The following PLCG2 variants were observed in gnomAD, a reference collection of about 807,000 sequenced individuals.
PLCG2 encodes the protein 1-phosphatidylinositol 4,5-bisphosphate phosphodiesterase gamma-2.
Under a neutral mutation model 175.6 loss-of-function variants are expected in PLCG2, and 69 were observed. The ratio of observed to expected loss-of-function variants is 0.39; its 90% CI spans 0.32 to 0.48. The LOEUF (loss-of-function observed/expected upper bound fraction) is 0.48, where lower values mean the gene tolerates loss of function less well. PLCG2 is among the 20% of genes least tolerant of loss of function. The pLI, the probability that PLCG2 is intolerant of heterozygous loss-of-function variation, is 0.91. For missense variants in PLCG2, 1,798 were observed against 1,650.9 expected, an observed-to-expected ratio of 1.09 and a Z score of -1.54; for synonymous variants, 827 against 624.0, an observed-to-expected ratio of 1.33 and a Z score of -4.85.
chr16:81,953,987 T>C (rs955987844), intron 31 of PLCG2, among the ~76,000 whole-genome samples: 7 of 152,104 alleles, frequency 4.6e-5, no homozygotes, highest in African/African-American at 1.4e-4. Context: ...AAGAGAGACC[T>C]TTCATGGTAT....
chr16:81,860,049 C>T (rs1010957568), intron 5 of PLCG2, among the ~76,000 whole-genome samples: 112 of 151,976 alleles, frequency 7.4e-4, no homozygotes, highest in African/African-American at 2.2e-3. Context: ...TAGCTCGCTG[C>T]AGCCGTAAAG....
chr16:81,811,736 A>G (rs1043942709), intron 2 of PLCG2, among the ~76,000 whole-genome samples: 2 of 152,080 alleles, frequency 1.3e-5, no homozygotes, highest in Non-Finnish European at 2.9e-5. Flanking sequence ...TCCATGGTGT[A>G]TATGTGCCAC....
At chr16:81,846,534 T>C (rs1383837151) in intron 2 of PLCG2, among the ~76,000 whole-genome samples, 2 of 152,244 alleles carry the variant, frequency 1.3e-5, no homozygotes. Flanking sequence ...ATAGCATTTA[T>C]TTTTATCCTC....
chr16:81,887,418 C>T (rs925312952), intron 9 of PLCG2, among the ~76,000 whole-genome samples: 1 of 152,186 alleles, frequency 6.6e-6, no homozygotes, highest in Admixed American at 6.5e-5. Flanking sequence ...CACGCCCGGC[C>T]TAGTATTTTA....
intron 10 of PLCG2, 114 bp from the exon 11 acceptor site, chr16:81,891,358 T>C: frequency 2.8e-6 from 2 of 715,272 alleles, no homozygotes; most frequent in Middle Eastern, 2.6e-4. Flanking sequence ...AGACCGCCTG[T>C]TGATTTCCCG....
At chr16:81,800,014 T>C (rs147713839) in intron 2 of PLCG2, among the ~76,000 whole-genome samples, 2 of 152,212 alleles carry the variant, frequency 1.3e-5, no homozygotes, top group Non-Finnish European at 2.9e-5. Flanking sequence ...ATGCCACTTA[T>C]CCCATTTGTG....
rs56306585 is a variant in PLCG2 at position 81,959,110 on chromosome 16, T to A, written c.*1112T>A. 4.5e-6 allele frequency: 1 copy of A among 223,118 alleles called. No homozygotes were observed. The highest frequency in any genetic ancestry group is 2.2e-5 in the African/African-American group (1 of 44,586). 13.8% of individuals were successfully genotyped at this position (223,118 alleles called of 1,614,324 possible). On this transcript the variant is annotated 3_prime_UTR_variant, in exon 33 of 33. Transcript: ENST00000564138. ...TATGGCTTTTTAAAGGAGAGGAGAG[T>A]GCTGGGTTGGGAAGGGAGGTGGTTG...
chr16:81,908,519 CG>C lies in PLCG2; in HGVS notation c.1667del (p.Gly556AlafsTer42). 1 of 1,613,824 alleles carries C rather than the reference CG, an allele frequency of 6.2e-7. No homozygotes were observed. Among genetic ancestry groups the C allele is most frequent in the Non-Finnish European group, 8.5e-7 (1 of 1,179,964 alleles). The stretch of plus-strand genomic sequence containing the variant: ...TTGCTGCAGGAATACTGCATGGAGA[CG>C]GGGGGCAAGGATGGCACCTTCCTGG... ...EKLLQEYCMETGGKDGTFLVR... is the reference protein window; with the variant it reads ...EKLLQEYCMEXGGKDGTFLVR... On this transcript the variant is annotated frameshift_variant, in exon 17 of 33. Transcript: ENST00000564138. LOFTEE classifies it high-confidence loss of function.
intron 8 of PLCG2, among the ~76,000 whole-genome samples, chr16:81,881,251 T>G (rs1306762036): frequency 6.6e-6 from 1 of 152,112 alleles, no homozygotes; most frequent in Non-Finnish European, 1.5e-5. Context: ...TAATAGTTTT[T>G]TTTTTTAATT....
chr16:81,877,837 G>A (rs1321393943), intron 7 of PLCG2, among the ~76,000 whole-genome samples: 2 of 151,320 alleles, frequency 1.3e-5, no homozygotes, highest in South Asian at 4.2e-4. Flanking sequence ...TCATTGCATC[G>A]CTCCTTGGCT....
intron 11 of PLCG2, 60 bp downstream of exon 11, chr16:81,891,650 A>C (rs1297479166): frequency 1.2e-5 from 12 of 972,904 alleles, no homozygotes; most frequent in Non-Finnish European, 2.0e-5. Flanking sequence ...GGGTTGAGGC[A>C]GGGGTCCGAT....
chr16:81,759,486 A>T (rs1315707220), intron 2 of PLCG2, among the ~76,000 whole-genome samples: 1 of 152,200 alleles, frequency 6.6e-6, no homozygotes, highest in Non-Finnish European at 1.5e-5. Flanking sequence ...CACAGATTCA[A>T]TGAGTCTCCC....
chr16:81,825,022 G>A (rs970522553), intron 2 of PLCG2, among the ~76,000 whole-genome samples: 12 of 152,192 alleles, frequency 7.9e-5, no homozygotes, highest in African/African-American at 2.9e-4. Context: ...AAATGCAGGT[G>A]GCCTCTAGAG....
At chr16:81,936,474 C>A in intron 27 of PLCG2, 96 bp downstream of exon 27, 3 of 937,666 alleles carry the variant, frequency 3.2e-6, no homozygotes, top group South Asian at 1.4e-5. Context: ...ATGTGGTGTC[C>A]AAGAATGAGT....
intron 2 of PLCG2, among the ~76,000 whole-genome samples, chr16:81,768,535 A>G (rs1910201386): frequency 7.4e-6 from 1 of 135,342 alleles, no homozygotes; most frequent in South Asian, 2.4e-4. Context: ...CCTCACCAGC[A>G]CTCGGTGTTA....
chr16:81,811,681 C>A (rs2143295822), intron 2 of PLCG2, among the ~76,000 whole-genome samples: 2 of 152,128 alleles, frequency 1.3e-5, no homozygotes, highest in African/African-American at 4.8e-5. Flanking sequence ...CATCCATGTC[C>A]CTGCAAAGGA....
At chr16:81,742,246 T>G (rs1381135216) in intron 1 of PLCG2, among the ~76,000 whole-genome samples, 1 of 151,218 alleles carries the variant, frequency 6.6e-6, no homozygotes, top group Non-Finnish European at 1.5e-5. Context: ...TCCGAGTACA[T>G]AGTACCCCTG....
At chr16:81,945,224 G>GC (rs1194079771) in intron 30 of PLCG2, among the ~76,000 whole-genome samples, 1 of 152,156 alleles carries the variant, frequency 6.6e-6, no homozygotes, top group Non-Finnish European at 1.5e-5. Context: ...AGAGAAATAA[G>GC]CCCAAAATCT....
chr16:81,925,711 A>C (rs1004315079), intron 22 of PLCG2, among the ~76,000 whole-genome samples: 1 of 152,030 alleles, frequency 6.6e-6, no homozygotes, highest in African/African-American at 2.4e-5. Context: ...AACCTGGTAA[A>C]ACCCTGTCTC....
Sources: allele counts gnomAD v4.1 joint callset (sites outside exome capture counted in the v4.1 genomes callset), GRCh38; gene constraint gnomAD v4.1.1; transcripts MANE v1.5; gene names NCBI Gene and HGNC (gene_info 2026-07-23, HGNC 2026-07-21).